NRXN3: variants seen among roughly 807,000 people sequenced by gnomAD.
NRXN3 encodes neurexin 3.
A neutral mutation model predicts 137.6 loss-of-function variants in NRXN3; 32 were observed. The ratio of observed to expected loss-of-function variants is 0.23; its 90% CI spans 0.18 to 0.31. The LOEUF (loss-of-function observed/expected upper bound fraction) is 0.31. Among genes scored for constraint, NRXN3 ranks in the 10% least tolerant of loss-of-function variants. NRXN3 has a pLI of 1.00. For synonymous variants in NRXN3, 798 were observed against 784.5 expected (o/e 1.02, Z -0.29); for missense variants, 1,574 against 2,062.5 (o/e 0.76, Z 4.59).
intron 17 of NRXN3, among the ~76,000 whole-genome samples, chr14:79,674,607 C>T (rs1292885536): frequency 6.6e-6 from 1 of 151,984 alleles, no homozygotes; most frequent in Non-Finnish European, 1.5e-5. Flanking sequence ...TTTCCAATGT[C>T]TTCCAAGAGC....
At chr14:78,714,253 A>C (rs751386812) in intron 7 of NRXN3, among the ~76,000 whole-genome samples, 2 of 152,098 alleles carry the variant, frequency 1.3e-5, no homozygotes, top group Non-Finnish European at 2.9e-5. Context: ...ACTCAGGCAA[A>C]CATATGGAGG....
At position 79,535,956 on chromosome 14, in the gene NRXN3, G is replaced by T. The variant is rs138701987; in HGVS notation, c.3444+68554G>T. Among the ~76,000 whole-genome samples, 453 of 152,258 alleles carry T rather than the reference G, an allele frequency of 3.0e-3. 3 individuals carry two copies. The highest frequency in any genetic ancestry group is 0.01 in the African/African-American group (431 of 41,558). On this transcript the variant is annotated intron_variant, in intron 16 of 20. Transcript: ENST00000335750. ...TGGAGTGCTATCGAGAGCCCAGTGGGATTATAGGTGGAATAAGATACCTTC... is the reference window on the plus strand; with the variant it reads ...TGGAGTGCTATCGAGAGCCCAGTGGTATTATAGGTGGAATAAGATACCTTC...
intron 15 of NRXN3, chr14:79,200,921 T>A (rs1045130262): frequency 6.8e-6 from 1 of 146,216 alleles, no homozygotes; most frequent in Non-Finnish European, 1.5e-5. Context: ...CAAGTAATAA[T>A]CCTTCAATTT....
intron 10 of NRXN3, among the ~76,000 whole-genome samples, chr14:78,910,745 G>C (rs1169197305): frequency 6.6e-6 from 1 of 152,108 alleles, no homozygotes; most frequent in East Asian, 1.9e-4. Flanking sequence ...TGTAACACAT[G>C]TGAGACCAGA....
At chr14:78,448,033 T>A (rs1467514420) in intron 4 of NRXN3, among the ~76,000 whole-genome samples, 1 of 152,164 alleles carries the variant, frequency 6.6e-6, no homozygotes, top group Non-Finnish European at 1.5e-5. Flanking sequence ...ACTGGGTGTA[T>A]CTTCTTCATC....
In NRXN3 at chr14:79,644,296, CA is replaced by C. The variant is rs1371353744; in HGVS notation, c.3445-19481del. ...ATTCTAGTTTGTCTAGATGAAGAAA[CA>C]GAGGCTAAAAATAGTTAAACAAAAA... On this transcript the variant is annotated intron_variant, in intron 16 of 20. Coordinates refer to ENST00000335750, the MANE Select transcript of NRXN3 (RefSeq NM_001330195.2). Among the ~76,000 whole-genome samples the C allele has an allele frequency of 1.4e-4, 19 of 135,666 alleles. No individual in the cohort carries two copies. In the East Asian group the frequency reaches 3.7e-3, roughly 27 times the overall value. 89.0% of individuals were successfully genotyped at this position (135,666 alleles called of 152,430 possible). A position where few individuals can be genotyped will look rare whatever the true frequency, so the allele number is the denominator to read the frequency against.
At chr14:79,758,280 T>C (rs1221041002) in intron 19 of NRXN3, among the ~76,000 whole-genome samples, 1 of 152,140 alleles carries the variant, frequency 6.6e-6, no homozygotes. Context: ...TTATTAGGGC[T>C]CATAGTTTTG....
At chr14:79,029,989 A>G (rs1381181415) in intron 15 of NRXN3, among the ~76,000 whole-genome samples, 1 of 150,148 alleles carries the variant, frequency 6.7e-6, no homozygotes, top group Non-Finnish European at 1.5e-5. Context: ...CTGGGACTAC[A>G]GGCATGACCA....
chr14:79,353,743 A>G (rs2093318231), intron 15 of NRXN3, among the ~76,000 whole-genome samples: 1 of 152,044 alleles, frequency 6.6e-6, no homozygotes, highest in African/African-American at 2.4e-5. Context: ...CTTGTGATTG[A>G]CACTTGGGTA....
rs144208638 is a variant in NRXN3, at chr14:78,936,648, G to A, written c.2276-20594G>A. ...CTCATATATCAAAACTTATAAAATT[G>A]TACACCTTAAATATGTGCAGTGTAT... is the stretch of plus-strand genomic sequence containing the variant. On this transcript the variant is annotated intron_variant, in intron 10 of 20. Coordinates refer to ENST00000335750, the MANE Select transcript of NRXN3 (RefSeq NM_001330195.2). Among the ~76,000 whole-genome samples the A allele has an allele frequency of 6.6e-4, 101 of 152,210 alleles. No homozygotes were observed. The East Asian group carries it at 0.014, about 21-fold the overall frequency.
At chr14:79,009,297 T>C (rs1039943881) in intron 15 of NRXN3, among the ~76,000 whole-genome samples, 8 of 152,152 alleles carry the variant, frequency 5.3e-5, no homozygotes, top group African/African-American at 1.9e-4. Context: ...GAAATGGTAA[T>C]CTGACATGCA....
chr14:78,333,728 T>G (rs1421853483), intron 4 of NRXN3, among the ~76,000 whole-genome samples: 1 of 152,254 alleles, frequency 6.6e-6, no homozygotes, highest in South Asian at 2.1e-4. Flanking sequence ...GAGGTGTGTG[T>G]GGGGGGCATA....
chr14:78,492,619 A>G (rs1291126348), intron 4 of NRXN3, among the ~76,000 whole-genome samples: 1 of 152,110 alleles, frequency 6.6e-6, no homozygotes, highest in Non-Finnish European at 1.5e-5. Flanking sequence ...AGCCATTTGT[A>G]CCCCACAACC....
intron 10 of NRXN3, among the ~76,000 whole-genome samples, chr14:78,907,283 T>G (rs1191366082): frequency 6.6e-6 from 1 of 152,034 alleles, no homozygotes; most frequent in Non-Finnish European, 1.5e-5. Context: ...TTTGGAATAG[T>G]ATCTCCTGAA....
At chr14:79,152,901 A>G (rs992360752) in intron 15 of NRXN3, among the ~76,000 whole-genome samples, 1 of 152,042 alleles carries the variant, frequency 6.6e-6, no homozygotes, top group African/African-American at 2.4e-5. Context: ...TCATGAGTTG[A>G]GGACAGTTAG....
chr14:79,675,075 C>T (rs903316991), intron 17 of NRXN3, among the ~76,000 whole-genome samples: 9 of 151,896 alleles, frequency 5.9e-5, no homozygotes, highest in African/African-American at 1.9e-4. Context: ...GATGAGGAAA[C>T]GAAGTCTGAG....
At position 79,704,246 on chromosome 14, in the gene NRXN3, T is replaced by C. The variant is rs1166113813; in HGVS notation, c.4014+6309T>C. 2.0e-5 allele frequency among the ~76,000 whole-genome samples: 3 copies of C among 152,178 alleles called. No homozygotes were observed. In the East Asian group the frequency reaches 5.8e-4, roughly 29 times the overall value. On this transcript the variant is annotated intron_variant, in intron 19 of 20. Coordinates refer to ENST00000335750, the MANE Select transcript of NRXN3 (RefSeq NM_001330195.2). The stretch of plus-strand genomic sequence containing the variant: ...ATGGTTCTACGATGACACACAGATT[T>C]ACAGCATGTTGTTATCAATGGCACT...
At chr14:79,744,675 T>TAAAC (rs2098973637) in intron 19 of NRXN3, among the ~76,000 whole-genome samples, 1 of 152,224 alleles carries the variant, frequency 6.6e-6, no homozygotes, top group African/African-American at 2.4e-5. Context: ...CCTTTCTCCA[T>TAAAC]AAACACAGCT....
intron 4 of NRXN3, among the ~76,000 whole-genome samples, chr14:78,600,781 A>G (rs920001634): frequency 6.6e-6 from 1 of 152,168 alleles, no homozygotes; most frequent in African/African-American, 2.4e-5. Flanking sequence ...CTCAAACAAC[A>G]AACATCTAAA....
Sources: allele counts gnomAD v4.1 joint callset (sites outside exome capture counted in the v4.1 genomes callset), GRCh38; gene constraint gnomAD v4.1.1; transcripts MANE v1.5; gene names NCBI Gene and HGNC (gene_info 2026-07-23, HGNC 2026-07-21).